Variants in DUOX1 observed in about 807,000 individuals in gnomAD.
The protein encoded by DUOX1 is dual oxidase 1.
Under a neutral mutation model 181.8 loss-of-function variants are expected in DUOX1, and 134 were observed. The ratio of observed to expected loss-of-function variants is 0.74; its 90% CI spans 0.64 to 0.85. DUOX1 has a LOEUF of 0.85. Among genes scored for constraint, DUOX1 ranks in the 40% least tolerant of loss-of-function variants. DUOX1 has a pLI of 0.00. For synonymous variants in DUOX1, 798 were observed against 832.5 expected, an observed-to-expected ratio of 0.96 and a Z score of 0.71; for missense variants, 1,814 against 2,064.4, an observed-to-expected ratio of 0.88 and a Z score of 2.35.
rs747868839 is a variant in DUOX1, at chr15:45,144,994, C to G, written c.2236C>G (p.Arg746Gly). ...SGLSIQEWEL[R>G]EQELMRAAVT... is the part of the protein sequence containing the mutation. ...GTTGAGCATCCAGGAGTGGGAGCTG[C>G]GGGAGCAGGAGCTGATGAGAGCAGC... is the stretch of plus-strand genomic sequence containing the variant. Residue 746 changes from arginine (R) to glycine (G), a missense_variant, in exon 18 of 34, where the codon CGG becomes GGG. Physicochemically the swap from Arg to Gly is moderately radical, Grantham distance 125. Coordinates refer to ENST00000389037, the MANE Select transcript of DUOX1 (RefSeq NM_175940.3). 1.5e-5 allele frequency: 24 copies of G among 1,613,992 alleles called. No homozygotes were observed. In the Admixed American group the frequency reaches 4.0e-4, roughly 27 times the overall value.
chr15:45,153,390 T>A lies in DUOX1; in HGVS notation c.3435T>A (p.Ser1145Arg), dbSNP rs755614065. Residue 1145 changes from serine to arginine, a missense_variant, in exon 26 of 34, where the codon AGT (serine) becomes AGA (arginine). Coordinates refer to ENST00000389037, the MANE Select transcript of DUOX1 (RefSeq NM_175940.3). The stretch of plus-strand genomic sequence containing the variant: ...TCTGCTCTTCCTTAGTCTTACACAG[T>A]GTGGGCCATGTGGTGAATGTGTACC... ...STAIVLTVLHSVGHVVNVYLF... is the reference protein window; with the variant it reads ...STAIVLTVLHRVGHVVNVYLF... 2 of 1,614,042 alleles carry A rather than the reference T, an allele frequency of 1.2e-6. No homozygotes were observed. The highest frequency in any genetic ancestry group is 4.5e-5 in the East Asian group (2 of 44,866).
In DUOX1 at chr15:45,147,432, G is replaced by A. The variant is rs747458944; in HGVS notation, c.2323-1G>A. 3.5e-5 allele frequency: 56 copies of A among 1,613,014 alleles called. No individual in the cohort carries two copies. Among genetic ancestry groups the A allele is most frequent in the Admixed American group, 1.8e-4 (11 of 59,888 alleles). The stretch of plus-strand genomic sequence containing the variant: ...CTCCCTCTGCTTCTGCCCAAGTGCA[G>A]GTGCTGGACATCAACCAGGCCGACG... On this transcript the variant is annotated splice_acceptor_variant, in intron 18 of 33. Coordinates refer to ENST00000389037, the MANE Select transcript of DUOX1 (RefSeq NM_175940.3). LOFTEE classifies it high-confidence loss of function.
intron 31 of DUOX1, among the ~76,000 whole-genome samples, chr15:45,163,234 G>C (rs188758673): frequency 2.6e-5 from 4 of 152,306 alleles, no homozygotes; most frequent in Non-Finnish European, 4.4e-5. Flanking sequence ...ACTGGAGGGA[G>C]CTGTAGGACA....
rs540355733 is a variant in DUOX1 at position 45,143,311 on chromosome 15, T to A, written c.1936+8T>A. ...TCGTGGGAGGCATGGAAGGTAGGTC[T>A]AGGGCTGGCCAGGGTGGTGGTAGGG... On this transcript the variant is annotated splice_region_variant and intron_variant, in intron 16 of 33. Transcript: ENST00000389037. The A allele has an allele frequency of 1.2e-6, 2 of 1,611,648 alleles. No homozygotes were observed. The highest frequency in any genetic ancestry group is 3.3e-5 in the Admixed American group (2 of 59,986).
At chr15:45,151,291 C>G in intron 23 of DUOX1, 43 bp downstream of exon 23, 1 of 1,600,050 alleles carries the variant, frequency 6.2e-7, no homozygotes, top group Admixed American at 1.7e-5. Flanking sequence ...TTCATCCATT[C>G]CTTCAGCTTA....
chr15:45,144,980 A>G lies in DUOX1; in HGVS notation c.2222A>G (p.Gln741Arg). 6.2e-7 allele frequency: 1 copy of G among 1,614,174 alleles called. No individual in the cohort carries two copies. The highest frequency in any genetic ancestry group is 8.5e-7 in the Non-Finnish European group (1 of 1,180,020). ...CTGAAGGAGAGCGGGTTGAGCATCC[A>G]GGAGTGGGAGCTGCGGGAGCAGGAG... ...GALKESGLSI[Q>R]EWELREQELM... The change falls in exon 18 of 34, where the codon CAG becomes CGG. Residue 741 changes from glutamine (Q) to arginine (R), a missense_variant. Physicochemically the swap from Gln to Arg is conservative, Grantham distance 43. Coordinates refer to ENST00000389037, the MANE Select transcript of DUOX1 (RefSeq NM_175940.3).
In DUOX1 at chr15:45,157,050, A is replaced by G. The variant is rs532560876; in HGVS notation, c.3702+1121A>G. 7.9e-5 allele frequency among the ~76,000 whole-genome samples: 12 copies of G among 152,270 alleles called. 1 individual carries two copies. The South Asian group carries it at 2.5e-3, about 32-fold the overall frequency. The stretch of plus-strand genomic sequence containing the variant: ...ACAGGGCTCTCCTTTGTGCCGAGAC[A>G]AAGAGAAACTGCACCATGGCCTCGG... On this transcript the variant is annotated intron_variant, in intron 28 of 33. Coordinates refer to ENST00000389037, the MANE Select transcript of DUOX1 (RefSeq NM_175940.3).
chr15:45,161,510 G>A (rs1567021751), intron 29 of DUOX1, among the ~76,000 whole-genome samples: 1 of 151,442 alleles, frequency 6.6e-6, no homozygotes, highest in East Asian at 1.9e-4. Flanking sequence ...CAGGGGACCT[G>A]AGCCTCTCTC....
chr15:45,147,258 G>C (rs1454256234), intron 18 of DUOX1, among the ~76,000 whole-genome samples, 175 bp from the exon 19 acceptor site: 3 of 152,234 alleles, frequency 2.0e-5, no homozygotes, highest in Non-Finnish European at 2.9e-5. Flanking sequence ...AGTCAGCTAA[G>C]GCAGAGGGTC....
chr15:45,150,186 T>C (rs560624795), intron 21 of DUOX1: 1 of 155,278 alleles, frequency 6.4e-6, no homozygotes, highest in South Asian at 2.0e-4. Flanking sequence ...TATTTTATTA[T>C]GAACATTTTC....
At chr15:45,163,443 G>C (rs868723516) in intron 31 of DUOX1, 89 bp from the exon 32 acceptor site, 1 of 1,560,954 alleles carries the variant, frequency 6.4e-7, no homozygotes, top group Non-Finnish European at 8.7e-7. Flanking sequence ...AGCTAGCTGT[G>C]GTCAGAAGAG....
chr15:45,149,376 G>A (rs1896747563), intron 21 of DUOX1, among the ~76,000 whole-genome samples: 1 of 152,206 alleles, frequency 6.6e-6, no homozygotes, highest in African/African-American at 2.4e-5. Context: ...TGAGCCTAAG[G>A]GCAGGGGCAA....
intron 10 of DUOX1, among the ~76,000 whole-genome samples, 160 bp downstream of exon 10, chr15:45,138,174 G>C (rs915794015): frequency 2.0e-5 from 3 of 152,094 alleles, no homozygotes; most frequent in African/African-American, 4.8e-5. Flanking sequence ...GAAGGAGGCA[G>C]CCTGGAGGAC....
At chr15:45,153,311 C>T in intron 25 of DUOX1, 69 bp from the exon 26 acceptor site, 1 of 1,231,280 alleles carries the variant, frequency 8.1e-7, no homozygotes, top group South Asian at 1.2e-5. Flanking sequence ...GGTCCTCGAT[C>T]TTGGGCTGAA....
intron 14 of DUOX1, among the ~76,000 whole-genome samples, chr15:45,141,751 C>T (rs933457191): frequency 6.7e-6 from 1 of 148,588 alleles, no homozygotes; most frequent in Non-Finnish European, 1.5e-5. Context: ...GTGAGGGAAG[C>T]GTGTGTGTGT....
In DUOX1 at chr15:45,140,802, T is replaced by C. The variant is rs1896469164; in HGVS notation, c.1390-93T>C. 1.8e-5 allele frequency: 23 copies of C among 1,261,266 alleles called. No individual in the cohort carries two copies. In the South Asian group the frequency reaches 2.7e-4, roughly 15 times the overall value. The allele number at this position is 1,261,266 out of a possible 1,614,324, so 78.1% of individuals were successfully genotyped here. A position where few individuals can be genotyped will look rare whatever the true frequency, so the allele number is the denominator to read the frequency against. ...AGTTACTGTTACTGTCATTTATTATTATCATCCCTGGGGCTAATCCCTGGG... is the reference window on the plus strand; with the variant it reads ...AGTTACTGTTACTGTCATTTATTATCATCATCCCTGGGGCTAATCCCTGGG... On this transcript the variant is annotated intron_variant, in intron 12 of 33. Transcript: ENST00000389037.
chr15:45,148,816 C>G (rs1190526457), intron 21 of DUOX1, among the ~76,000 whole-genome samples: 2 of 151,828 alleles, frequency 1.3e-5, no homozygotes, highest in Non-Finnish European at 1.5e-5. Flanking sequence ...GCCCCCTGTG[C>G]GTGGTGCCCA....
At position 45,164,915 on chromosome 15, in the gene DUOX1, G is replaced by C. The variant is rs1447944852; in HGVS notation, c.*14G>C. ...GAGAACTTCTAGGCCCCTGCCCGGG[G>C]GTTCTGCCCACTGCCCAGTTGAGCA... is the stretch of plus-strand genomic sequence containing the variant. On this transcript the variant is annotated 3_prime_UTR_variant, in exon 34 of 34. Coordinates refer to ENST00000389037, the MANE Select transcript of DUOX1 (RefSeq NM_175940.3). The C allele has an allele frequency of 6.2e-7, 1 of 1,613,670 alleles. No individual in the cohort carries two copies. Among genetic ancestry groups the C allele is most frequent in the Non-Finnish European group, 8.5e-7 (1 of 1,179,770 alleles).
intron 28 of DUOX1, among the ~76,000 whole-genome samples, chr15:45,157,326 A>G (rs1291324454): frequency 6.6e-6 from 1 of 152,148 alleles, no homozygotes; most frequent in Non-Finnish European, 1.5e-5. Context: ...GAGCCCTAGC[A>G]TTCTCGGCTA....
Sources: allele counts gnomAD v4.1 joint callset (sites outside exome capture counted in the v4.1 genomes callset), GRCh38; gene constraint gnomAD v4.1.1; transcripts MANE v1.5; gene names NCBI Gene and HGNC (gene_info 2026-07-23, HGNC 2026-07-21).